The following FRAS1 variants were observed in gnomAD, a reference collection of about 807,000 sequenced individuals.
The protein encoded by FRAS1 is extracellular matrix organizing protein FRAS1.
In FRAS1, 290 loss-of-function variants were observed where a neutral mutation model predicts 435.2. The ratio of observed to expected loss-of-function variants is 0.67; its 90% CI spans 0.61 to 0.73. The LOEUF (loss-of-function observed/expected upper bound fraction) is 0.73. Among genes scored for constraint, FRAS1 ranks in the 30% least tolerant of loss-of-function variants. FRAS1 has a pLI of 0.00. For missense variants in FRAS1, 4,860 were observed against 5,001.5 expected, an observed-to-expected ratio of 0.97 and a Z score of 0.85; for synonymous variants, 1,800 against 1,851.0, an observed-to-expected ratio of 0.97 and a Z score of 0.71.
chr4:78,480,781 T>C (rs1213997325), intron 56 of FRAS1, among the ~76,000 whole-genome samples: 2 of 152,222 alleles, frequency 1.3e-5, no homozygotes, highest in African/African-American at 2.4e-5. Flanking sequence ...GGGCAACAGC[T>C]GTGCTGAGTG....
At chr4:78,483,768 C>CTATATATATATATATATATATATATA (rs1491536432) in intron 58 of FRAS1, among the ~76,000 whole-genome samples, 2 of 6,514 alleles carry the variant, frequency 3.1e-4, no homozygotes, top group African/African-American at 5.5e-4. Flanking sequence ...AAAAAAAAAA[C>CTATATATATATATATATATATATATA]TCTCTCTCTC....
chr4:78,158,359 A>C (rs1056533107), intron 2 of FRAS1, among the ~76,000 whole-genome samples: 1 of 152,134 alleles, frequency 6.6e-6, no homozygotes, highest in African/African-American at 2.4e-5. Flanking sequence ...TTCTTTAAGC[A>C]ATATTTTGTT....
intron 58 of FRAS1, 48 bp downstream of exon 58, chr4:78,482,583 T>C: frequency 6.3e-7 from 1 of 1,578,902 alleles, no homozygotes; most frequent in Non-Finnish European, 8.6e-7. Flanking sequence ...TATTTCTATT[T>C]TTTCTTTAAC....
chr4:78,278,392 C>A (rs1727163421), intron 9 of FRAS1, among the ~76,000 whole-genome samples: 2 of 152,130 alleles, frequency 1.3e-5, no homozygotes, highest in Non-Finnish European at 2.9e-5. Context: ...CATGTGAGCT[C>A]CTGGTCATGG....
intron 2 of FRAS1, among the ~76,000 whole-genome samples, chr4:78,148,514 G>A (rs572025896): frequency 1.3e-5 from 2 of 152,288 alleles, no homozygotes; most frequent in African/African-American, 4.8e-5. Flanking sequence ...AATTATGTAA[G>A]AAAATTAACT....
intron 70 of FRAS1, among the ~76,000 whole-genome samples, chr4:78,530,216 G>C (rs961723409): frequency 6.6e-6 from 1 of 151,996 alleles, no homozygotes; most frequent in African/African-American, 2.4e-5. Flanking sequence ...GATTTTTTAA[G>C]GGGAGAGAGG....
chr4:78,378,657 C>T (rs1464197793), intron 26 of FRAS1, among the ~76,000 whole-genome samples: 2 of 152,056 alleles, frequency 1.3e-5, no homozygotes, highest in Non-Finnish European at 2.9e-5. Flanking sequence ...GCTTATTGGC[C>T]TTTTGTGTAT....
At chr4:78,264,982 T>C in intron 6 of FRAS1, 43 bp from the exon 7 acceptor site, 1 of 1,214,848 alleles carries the variant, frequency 8.2e-7, no homozygotes, top group Non-Finnish European at 1.2e-6. Flanking sequence ...TGGATCTTAT[T>C]AATATCACTT....
intron 61 of FRAS1, among the ~76,000 whole-genome samples, 200 bp from the exon 62 acceptor site, chr4:78,507,221 C>T (rs539001937): frequency 6.6e-6 from 1 of 152,298 alleles, no homozygotes; most frequent in South Asian, 2.1e-4. Flanking sequence ...TGAGCCTCTA[C>T]CACAGGTGGA....
At chr4:78,303,375 T>G (rs1728525518) in intron 14 of FRAS1, among the ~76,000 whole-genome samples, 1 of 152,168 alleles carries the variant, frequency 6.6e-6, no homozygotes, top group African/African-American at 2.4e-5. Context: ...TTTAAAGTAG[T>G]TTTTTCCAAT....
At chr4:78,346,497 T>A (rs72657060) in intron 20 of FRAS1, among the ~76,000 whole-genome samples, 16,753 of 152,142 alleles carry the variant, frequency 0.11, 1,102 homozygotes, top group East Asian at 0.34. Context: ...GGCACATATA[T>A]GATCACTGTG....
intron 2 of FRAS1, among the ~76,000 whole-genome samples, chr4:78,207,664 A>T (rs945767423): frequency 6.6e-6 from 1 of 152,188 alleles, no homozygotes; most frequent in African/African-American, 2.4e-5. Context: ...AGCTAAAGTG[A>T]TTAGCAAAGT....
intron 54 of FRAS1, 148 bp from the exon 55 acceptor site, chr4:78,477,667 C>T: frequency 2.1e-6 from 2 of 931,348 alleles, no homozygotes; most frequent in Non-Finnish European, 3.1e-6. Context: ...CCAGGTGATG[C>T]AGCAGGGAAC....
chr4:78,207,891 C>T lies in FRAS1; in HGVS notation c.109-29619C>T, dbSNP rs182314290. 1.6e-3 allele frequency among the ~76,000 whole-genome samples: 239 copies of T among 152,240 alleles called. No individual in the cohort carries two copies. The Middle Eastern group carries it at 0.017, about 11-fold the overall frequency. ...TGGATACATTTTTGATCATGGCAGA[C>T]GGCAGGCAGGACTAGATTGCAGCTC... is the stretch of plus-strand genomic sequence containing the variant. On this transcript the variant is annotated intron_variant, in intron 2 of 73. Coordinates refer to ENST00000512123, the MANE Select transcript of FRAS1 (RefSeq NM_025074.7).
chr4:78,161,742 CAAAAAA>C (rs71214399), intron 2 of FRAS1, among the ~76,000 whole-genome samples: 39 of 24,890 alleles, frequency 1.6e-3, no homozygotes, highest in African/African-American at 6.1e-3. Flanking sequence ...AACTCTGTCT[CAAAAAA>C]AAAAAAAAAA....
intron 20 of FRAS1, among the ~76,000 whole-genome samples, chr4:78,347,895 T>TGCC (rs1404372727): frequency 6.6e-6 from 1 of 151,960 alleles, no homozygotes. Context: ...TCAGCTGACT[T>TGCC]GCCATAAATG....
Position 78,400,725 on chromosome 4 carries a change from T to C in FRAS1, c.3976-9T>C, listed in dbSNP as rs1306542727. ...TTGGAACTAATTCTGCATTTTATTT[T>C]TATTTCAGAATGACAGGGGTCTTCA... On this transcript the variant is annotated splice_polypyrimidine_tract_variant and intron_variant, in intron 29 of 73. Transcript: ENST00000512123. 29 of 1,608,660 alleles carry C rather than the reference T, an allele frequency of 1.8e-5. No individual in the cohort carries two copies. The highest frequency in any genetic ancestry group is 2.4e-5 in the Non-Finnish European group (28 of 1,178,490).
At chr4:78,477,668 A>G in intron 54 of FRAS1, 147 bp from the exon 55 acceptor site, 1 of 947,664 alleles carries the variant, frequency 1.1e-6, no homozygotes, top group Non-Finnish European at 1.5e-6. Flanking sequence ...CAGGTGATGC[A>G]GCAGGGAACC....
intron 38 of FRAS1, among the ~76,000 whole-genome samples, chr4:78,437,887 G>T (rs1366911378): frequency 6.6e-6 from 1 of 152,098 alleles, no homozygotes; most frequent in Non-Finnish European, 1.5e-5. Flanking sequence ...TTGAAACAGA[G>T]AAAGTCATTT....
Sources: allele counts gnomAD v4.1 joint callset (sites outside exome capture counted in the v4.1 genomes callset), GRCh38; gene constraint gnomAD v4.1.1; transcripts MANE v1.5; gene names NCBI Gene and HGNC (gene_info 2026-07-23, HGNC 2026-07-21).